ROBO1: variants seen among roughly 807,000 people sequenced by gnomAD.
ROBO1 encodes the protein roundabout homolog 1.
A neutral mutation model predicts 195.9 loss-of-function variants in ROBO1; 149 were observed. The ratio of observed to expected loss-of-function variants is 0.76; its 90% CI spans 0.67 to 0.87. The LOEUF (loss-of-function observed/expected upper bound fraction) is 0.87, where lower values mean the gene tolerates loss of function less well. ROBO1 is among the 40% of genes least tolerant of loss of function. ROBO1 has a pLI of 0.00. For synonymous variants in ROBO1, 816 were observed against 733.2 expected, an observed-to-expected ratio of 1.11 and a Z score of -1.82; for missense variants, 1,933 against 2,068.3, an observed-to-expected ratio of 0.93 and a Z score of 1.27.
intron 2 of ROBO1, among the ~76,000 whole-genome samples, chr3:79,586,732 T>C (rs1264395575): frequency 1.3e-5 from 2 of 151,906 alleles, no homozygotes; most frequent in Non-Finnish European, 2.9e-5. Flanking sequence ...CAGATCATTT[T>C]ACATTTGCTT....
At chr3:79,660,197 C>T (rs1946289444) in intron 1 of ROBO1, among the ~76,000 whole-genome samples, 1 of 151,726 alleles carries the variant, frequency 6.6e-6, no homozygotes, top group African/African-American at 2.4e-5. Flanking sequence ...TGGAAGTAAG[C>T]CCCAAAACGT....
rs1394134644 is a variant in ROBO1, at chr3:78,800,211, T to G, written c.500-53311A>C. Among the ~76,000 whole-genome samples, 3 of 152,078 alleles carry G rather than the reference T, an allele frequency of 2.0e-5. No homozygotes were observed. The East Asian group carries it at 5.8e-4, about 29-fold the overall frequency. ...AATGTATTTTAAAATTCTGCATATT[T>G]GGGGGATAAAAGTAGATTTAGAAAG... On this transcript the variant is annotated intron_variant, in intron 4 of 30. Transcript: ENST00000464233.
chr3:79,311,959 G>A (rs1276792602), intron 2 of ROBO1, among the ~76,000 whole-genome samples: 1 of 151,966 alleles, frequency 6.6e-6, no homozygotes, highest in African/African-American at 2.4e-5. Context: ...CTTCACTCCA[G>A]ATCCATGTAT....
intron 3 of ROBO1, among the ~76,000 whole-genome samples, chr3:78,996,661 G>A (rs925044610): frequency 6.6e-6 from 1 of 151,924 alleles, no homozygotes; most frequent in African/African-American, 2.4e-5. Context: ...ATATTTAAAT[G>A]AGTGAACAAG....
chr3:79,034,631 G>T (rs569024533), intron 3 of ROBO1, among the ~76,000 whole-genome samples: 7 of 152,028 alleles, frequency 4.6e-5, no homozygotes, highest in African/African-American at 1.4e-4. Context: ...AAATAACAAA[G>T]AACTTAACAA....
rs1464005306 is a variant in ROBO1 at position 79,697,956 on chromosome 3, T to A, written c.-51+69796A>T. Among the ~76,000 whole-genome samples, 7 of 151,646 alleles carry A rather than the reference T, an allele frequency of 4.6e-5. No individual in the cohort carries two copies. In the East Asian group the frequency reaches 7.8e-4, roughly 17 times the overall value. On this transcript the variant is annotated intron_variant, in intron 1 of 30. Transcript: ENST00000464233. Reference sequence around the variant, plus strand: ...ACTATCTTAAAAAATCTAATATTTTTAAAACATAAATTAAAAAATGTTAGA... The same window carrying A: ...ACTATCTTAAAAAATCTAATATTTTAAAAACATAAATTAAAAAATGTTAGA...
chr3:79,641,262 T>A (rs1051954600), intron 1 of ROBO1, among the ~76,000 whole-genome samples: 2 of 152,204 alleles, frequency 1.3e-5, no homozygotes, highest in African/African-American at 2.4e-5. Flanking sequence ...AATCAAAATC[T>A]GATTTAATAT....
chr3:79,470,046 T>C (rs1487353667), intron 2 of ROBO1, among the ~76,000 whole-genome samples: 2 of 152,166 alleles, frequency 1.3e-5, no homozygotes, highest in Non-Finnish European at 2.9e-5. Flanking sequence ...AGGGTACATG[T>C]ACACAACGTG....
At chr3:79,015,592 T>C (rs1405155825) in intron 3 of ROBO1, among the ~76,000 whole-genome samples, 2 of 151,984 alleles carry the variant, frequency 1.3e-5, no homozygotes, top group Non-Finnish European at 2.9e-5. Flanking sequence ...CTACCTCTCC[T>C]GCACCCTCCC....
rs763576136 is a variant in ROBO1, at chr3:78,646,203, G to GAA, written c.2840-15_2840-14dup. ...CTCTGGTAAGTTACTAGAATGTTAC[G>GAA]AAAAAAAAAAGGAACAATTAATAGA... On this transcript the variant is annotated splice_polypyrimidine_tract_variant and intron_variant, in intron 20 of 30. Transcript: ENST00000464233. 2.8e-5 allele frequency: 39 copies of GAA among 1,387,304 alleles called. No individual in the cohort carries two copies. Among genetic ancestry groups the GAA allele is most frequent in the South Asian group, 1.2e-4 (9 of 72,126 alleles). The allele number at this position is 1,387,304 out of a possible 1,614,324, so 85.9% of individuals were successfully genotyped here.
intron 4 of ROBO1, among the ~76,000 whole-genome samples, chr3:78,795,537 C>T (rs1248940168): frequency 1.3e-5 from 2 of 152,204 alleles, no homozygotes; most frequent in African/African-American, 4.8e-5. Flanking sequence ...GAAGAAAATG[C>T]CAAGGTCGCT....
intron 7 of ROBO1, among the ~76,000 whole-genome samples, chr3:78,716,890 G>A (rs1661497651): frequency 6.6e-6 from 1 of 152,074 alleles, no homozygotes; most frequent in South Asian, 2.1e-4. Flanking sequence ...TTTTAGCTGA[G>A]GAAAAGGAAG....
chr3:78,819,724 A>G (rs1369517584), intron 4 of ROBO1, among the ~76,000 whole-genome samples: 3 of 152,066 alleles, frequency 2.0e-5, no homozygotes, highest in Non-Finnish European at 4.4e-5. Flanking sequence ...GCCTTCTACC[A>G]AATTCATATT....
At chr3:79,639,111 C>T (rs939451403) in intron 1 of ROBO1, among the ~76,000 whole-genome samples, 24 of 152,128 alleles carry the variant, frequency 1.6e-4, no homozygotes, top group East Asian at 1.4e-3. Context: ...TCATTTGAAA[C>T]GATAACCTTA....
In ROBO1 at chr3:79,577,717, AACACACACACACACAC is replaced by A. The variant is rs58998352; in HGVS notation, c.88+12091_88+12106del. Among the ~76,000 whole-genome samples, 216 of 140,716 alleles carry A rather than the reference AACACACACACACACAC, an allele frequency of 1.5e-3. 1 individual carries two copies. The highest frequency in any genetic ancestry group is 5.1e-3 in the African/African-American group (196 of 38,264). 92.3% of individuals were successfully genotyped at this position (140,716 alleles called of 152,430 possible). A position where few individuals can be genotyped will look rare whatever the true frequency, so the allele number is the denominator to read the frequency against. On this transcript the variant is annotated intron_variant, in intron 2 of 30. Transcript: ENST00000464233. ...ATGAAGAAATCCTGTCTTTACTAAA[AACACACACACACACAC>A]ACACACACACACACACACACACACA...
rs898731408 is a variant in ROBO1 at position 79,487,375 on chromosome 3, T to C, written c.88+102449A>G. On this transcript the variant is annotated intron_variant, in intron 2 of 30. Coordinates refer to ENST00000464233, the MANE Select transcript of ROBO1 (RefSeq NM_002941.4). ...GTACTGTTTGCAATGGCTTTCTGTG[T>C]GTGTTTGTTTTGTTTTGTTTTAGTA... Among the ~76,000 whole-genome samples the C allele has an allele frequency of 3.3e-5, 5 of 152,062 alleles. No homozygotes were observed. In the South Asian group the frequency reaches 1.0e-3, roughly 32 times the overall value.
intron 2 of ROBO1, among the ~76,000 whole-genome samples, chr3:79,290,451 A>G (rs1181104761): frequency 6.6e-6 from 1 of 152,094 alleles, no homozygotes; most frequent in Admixed American, 6.5e-5. Context: ...AATCAACATC[A>G]GGACTGTTTA....
At chr3:79,428,842 T>A (rs1416536086) in intron 2 of ROBO1, among the ~76,000 whole-genome samples, 3 of 151,728 alleles carry the variant, frequency 2.0e-5, no homozygotes, top group Non-Finnish European at 4.4e-5. Context: ...TTTCAAATAC[T>A]CTATGTTAAG....
At chr3:79,709,006 G>A (rs1346979616) in intron 1 of ROBO1, among the ~76,000 whole-genome samples, 1 of 151,744 alleles carries the variant, frequency 6.6e-6, no homozygotes, top group African/African-American at 2.4e-5. Context: ...TTACCAAAAG[G>A]GAAAGAGAGA....
Sources: allele counts gnomAD v4.1 joint callset (sites outside exome capture counted in the v4.1 genomes callset), GRCh38; gene constraint gnomAD v4.1.1; transcripts MANE v1.5; gene names NCBI Gene and HGNC (gene_info 2026-07-23, HGNC 2026-07-21).